Variants in IPO5 observed in about 807,000 individuals in gnomAD.
The protein encoded by IPO5 is importin 5, also known as importin-5.
IPO5 carries 18 observed loss-of-function variants against 143.3 expected under a neutral mutation model. The observed-to-expected ratio is 0.13, with a 90% CI of 0.09 to 0.19. The LOEUF is 0.19. IPO5 is among the 10% of genes least tolerant of loss of function. The pLI, the probability that IPO5 is intolerant of heterozygous loss-of-function variation, is 1.00. For missense variants in IPO5, 1,013 were observed against 1,336.9 expected (o/e 0.76, Z 3.78); for synonymous variants, 477 against 465.7 (o/e 1.02, Z -0.31).
rs1890626075 is a variant in IPO5, at chr13:98,023,819, G to A, written c.*1997G>A. The A allele has an allele frequency of 1.3e-5, 2 of 152,186 alleles. No homozygotes were observed. Among genetic ancestry groups the A allele is most frequent in the Admixed American group, 1.3e-4 (2 of 15,272 alleles). The allele number at this position is 152,186 out of a possible 1,614,324, so 9.4% of individuals were successfully genotyped here. A position where few individuals can be genotyped will look rare whatever the true frequency, so the allele number is the denominator to read the frequency against. On this transcript the variant is annotated 3_prime_UTR_variant, in exon 29 of 29. Transcript: ENST00000651721. ...TGAATCAAGTTAATAGGGAAGGTTGGTAGTAAATGCTGTTAGTGTGACATG... is the reference window on the plus strand; with the variant it reads ...TGAATCAAGTTAATAGGGAAGGTTGATAGTAAATGCTGTTAGTGTGACATG...
chr13:98,016,665 A>T (rs1890139513), intron 24 of IPO5, 64 bp from the exon 25 acceptor site: 4 of 849,456 alleles, frequency 4.7e-6, no homozygotes, highest in Non-Finnish European at 6.8e-6. Flanking sequence ...TATAAATGTT[A>T]CTATTGATAA....
At chr13:97,987,298 G>A (rs1040517566) in intron 6 of IPO5, 17 of 151,464 alleles carry the variant, frequency 1.1e-4, no homozygotes, top group African/African-American at 3.9e-4. Flanking sequence ...GGTTGTAAGC[G>A]CAGCTTGTTT....
intron 16 of IPO5, among the ~76,000 whole-genome samples, chr13:98,005,342 G>GA (rs1889140091): frequency 6.6e-6 from 1 of 150,826 alleles, no homozygotes; most frequent in Non-Finnish European, 1.5e-5. Context: ...GATTACAGGG[G>GA]TGTGCCACCA....
intron 2 of IPO5, among the ~76,000 whole-genome samples, chr13:97,962,565 C>A (rs900596722): frequency 1.3e-5 from 2 of 152,044 alleles, no homozygotes; most frequent in African/African-American, 4.8e-5. Flanking sequence ...ACCTGTAATC[C>A]CAGCACTTTG....
chr13:97,985,700 T>C, intron 6 of IPO5, 87 bp downstream of exon 6: 1 of 876,336 alleles, frequency 1.1e-6, no homozygotes, highest in South Asian at 1.5e-5. Context: ...TAGAGTAAGA[T>C]TCATAAGTAC....
intron 27 of IPO5, 175 bp downstream of exon 27, chr13:98,019,984 A>G: frequency 1.9e-6 from 1 of 514,622 alleles, no homozygotes; most frequent in Non-Finnish European, 3.4e-6. Context: ...ATCACAGTTA[A>G]CATTGCCCTT....
At chr13:97,994,748 A>G (rs1016828809) in intron 11 of IPO5, among the ~76,000 whole-genome samples, 2 of 152,188 alleles carry the variant, frequency 1.3e-5, no homozygotes, top group Non-Finnish European at 2.9e-5. Flanking sequence ...GGTGTTGACA[A>G]TGGATCGGAT....
chr13:98,002,728 GGCTACAGATTTT>G lies in IPO5; in HGVS notation c.1281_1292del (p.Thr428_Ala431del). 1 of 1,612,668 alleles carries G rather than the reference GGCTACAGATTTT, an allele frequency of 6.2e-7. No individual in the cohort carries two copies. Among genetic ancestry groups the G allele is most frequent in the Non-Finnish European group, 8.5e-7 (1 of 1,179,460 alleles). On this transcript the variant is annotated inframe_deletion, in exon 15 of 29. Coordinates refer to ENST00000651721, the MANE Select transcript of IPO5 (RefSeq NM_002271.6). ...CAGCCTGTAATGCCGTGGGACAGAT[GGCTACAGATTTT>G]GCACCTGGTTTCCAAAAGAAATTTC...
intron 2 of IPO5, among the ~76,000 whole-genome samples, chr13:97,969,153 G>GTATATATATATATATATATATA (rs1210544640): frequency 3.2e-5 from 2 of 63,452 alleles, no homozygotes; most frequent in Non-Finnish European, 5.8e-5. Flanking sequence ...TTTCTGCTAA[G>GTATATATATATATATATATATA]TATATATATA....
At chr13:97,961,997 C>T (rs1370051583) in intron 2 of IPO5, among the ~76,000 whole-genome samples, 5 of 152,028 alleles carry the variant, frequency 3.3e-5, no homozygotes, top group Non-Finnish European at 5.9e-5. Flanking sequence ...GGCGTGGGGG[C>T]GCACACCTGT....
intron 16 of IPO5, among the ~76,000 whole-genome samples, chr13:98,004,059 AT>A (rs1889013512): frequency 6.6e-6 from 1 of 152,212 alleles, no homozygotes; most frequent in South Asian, 2.1e-4. Flanking sequence ...AAAAGCAAGG[AT>A]TTTAGCCCAG....
At chr13:97,989,443 A>G (rs868045604) in intron 7 of IPO5, among the ~76,000 whole-genome samples, 1 of 151,912 alleles carries the variant, frequency 6.6e-6, no homozygotes, top group South Asian at 2.1e-4. Context: ...CCTCTCCTTT[A>G]TTTGGAGATT....
intron 9 of IPO5, among the ~76,000 whole-genome samples, chr13:97,992,411 A>G (rs557273487): frequency 6.6e-6 from 1 of 152,290 alleles, no homozygotes; most frequent in South Asian, 2.1e-4. Context: ...TAGGGCATGG[A>G]TATAAGAAAG....
intron 26 of IPO5, among the ~76,000 whole-genome samples, chr13:98,019,366 C>A (rs1266028067): frequency 1.3e-5 from 2 of 152,216 alleles, no homozygotes; most frequent in South Asian, 2.1e-4. Flanking sequence ...CTCTCTGGGT[C>A]TCTAAGTTAG....
In IPO5 at chr13:97,954,186, T is replaced by C. The variant is rs1593992613; in HGVS notation, c.-125T>C. On this transcript the variant is annotated 5_prime_UTR_variant, in exon 2 of 29. Coordinates refer to ENST00000651721, the MANE Select transcript of IPO5 (RefSeq NM_002271.6). ...CAACTGTTTTCCCTGATCAGGATAC[T>C]TGCGGCACTCAAGTGAGTCTAGAAT... 1 of 182,778 alleles carries C rather than the reference T, an allele frequency of 5.5e-6. No individual in the cohort carries two copies. The highest frequency in any genetic ancestry group is 6.1e-5 in the Admixed American group (1 of 16,298). 11.3% of individuals were successfully genotyped at this position (182,778 alleles called of 1,614,324 possible).
chr13:97,957,904 G>A (rs1884569661), intron 2 of IPO5, among the ~76,000 whole-genome samples: 1 of 151,952 alleles, frequency 6.6e-6, no homozygotes, highest in Non-Finnish European at 1.5e-5. Flanking sequence ...AGAATCGCTT[G>A]AACCCATGAG....
intron 20 of IPO5, among the ~76,000 whole-genome samples, chr13:98,010,780 C>CGTTTTTTTT (rs1889639079): frequency 1.4e-5 from 1 of 70,032 alleles, no homozygotes; most frequent in African/African-American, 9.5e-5. Flanking sequence ...AAGGATAATC[C>CGTTTTTTTT]TTTTTTTTTT....
At chr13:97,955,941 C>T (rs1211644804) in intron 2 of IPO5, among the ~76,000 whole-genome samples, 2 of 152,062 alleles carry the variant, frequency 1.3e-5, no homozygotes, top group African/African-American at 4.8e-5. Flanking sequence ...ACCTTCCTGG[C>T]TTAACACGGT....
chr13:98,013,263 G>A (rs1430367671), intron 21 of IPO5, among the ~76,000 whole-genome samples: 1 of 152,046 alleles, frequency 6.6e-6, no homozygotes, highest in Non-Finnish European at 1.5e-5. Context: ...TTTTTAAGTA[G>A]AGACGGGCTT....
Sources: gnomAD v4.1 joint callset for allele counts (sites outside exome capture counted in the v4.1 genomes callset) on GRCh38, gnomAD v4.1.1 for gene constraint, MANE v1.5 for transcripts, NCBI Gene and HGNC (gene_info 2026-07-23, HGNC 2026-07-21) for gene names.